RHBDL3: variants seen among roughly 807,000 people sequenced by gnomAD.
RHBDL3 encodes the protein rhomboid-related protein 3.
Under a neutral mutation model 48.2 loss-of-function variants are expected in RHBDL3, and 28 were observed. The observed-to-expected ratio is 0.58, with a 90% CI of 0.43 to 0.80. The LOEUF is 0.80. Ranked by LOEUF, RHBDL3 falls within the 30% of genes least tolerant of loss-of-function variation. RHBDL3 has a pLI of 0.00. For synonymous variants in RHBDL3, 208 were observed against 232.3 expected (o/e 0.90, Z 0.95); for missense variants, 464 against 542.7 (o/e 0.85, Z 1.44).
intron 2 of RHBDL3, 42 bp from the exon 3 acceptor site, chr17:32,284,617 G>T (rs1210643966): frequency 6.2e-7 from 1 of 1,601,080 alleles, no homozygotes. Context: ...TGAAGAGGAG[G>T]TGGTGCCCTG....
intron 7 of RHBDL3, among the ~76,000 whole-genome samples, chr17:32,306,784 G>A (rs898430133): frequency 2.0e-5 from 3 of 152,242 alleles, no homozygotes; most frequent in East Asian, 1.9e-4. Flanking sequence ...AGCTGGGCAC[G>A]GTGGTGCATG....
chr17:32,296,632 C>G (rs149254344), intron 5 of RHBDL3, among the ~76,000 whole-genome samples: 5,070 of 151,932 alleles, frequency 0.033, 119 homozygotes, highest in Non-Finnish European at 0.048. Flanking sequence ...CCGCACCTGG[C>G]CTAGATCTCT....
Position 32,283,219 on chromosome 17 carries a change from A to G in RHBDL3, c.136-1440A>G, listed in dbSNP as rs192447442. Among the ~76,000 whole-genome samples the G allele has an allele frequency of 1.5e-4, 23 of 152,104 alleles. 1 individual carries two copies. Among genetic ancestry groups the G allele is most frequent in the Admixed American group, 1.0e-3 (16 of 15,278 alleles). Reference sequence around the variant, plus strand: ...TGGCGTCCAGGAGATGCTTGGTGTTAAAAGTGTTGCTGTGGGCATTGGGTG... The same window carrying G: ...TGGCGTCCAGGAGATGCTTGGTGTTGAAAGTGTTGCTGTGGGCATTGGGTG... On this transcript the variant is annotated intron_variant, in intron 2 of 8. Transcript: ENST00000269051.
chr17:32,266,570 C>G (rs1597599558), intron 1 of RHBDL3, among the ~76,000 whole-genome samples: 1 of 152,180 alleles, frequency 6.6e-6, no homozygotes, highest in South Asian at 2.1e-4. Context: ...GAGCCCCCTC[C>G]CCGCCGCTGG....
At chr17:32,283,440 C>T (rs1433075783) in intron 2 of RHBDL3, among the ~76,000 whole-genome samples, 1 of 151,002 alleles carries the variant, frequency 6.6e-6, no homozygotes, top group African/African-American at 2.4e-5. Flanking sequence ...TCTCCTGCCT[C>T]AGCCTCCCGA....
chr17:32,311,887 T>C (rs2040854795), intron 7 of RHBDL3, among the ~76,000 whole-genome samples: 1 of 152,206 alleles, frequency 6.6e-6, no homozygotes, highest in African/African-American at 2.4e-5. Flanking sequence ...GGTGGGGAAC[T>C]GAGATAAGGG....
intron 3 of RHBDL3, among the ~76,000 whole-genome samples, chr17:32,285,744 C>T (rs1423065806): frequency 6.6e-6 from 1 of 152,216 alleles, no homozygotes. Context: ...CACCTCTCTT[C>T]ATGTCACCCA....
intron 4 of RHBDL3, among the ~76,000 whole-genome samples, chr17:32,291,771 CTTT>C (rs36113178): frequency 1.1e-4 from 14 of 131,234 alleles, no homozygotes; most frequent in African/African-American, 1.4e-4. Context: ...TGAGATATTC[CTTT>C]TTTTTTTTTT....
At chr17:32,303,963 C>T (rs149527118) in intron 6 of RHBDL3, among the ~76,000 whole-genome samples, 156 of 152,304 alleles carry the variant, frequency 1.0e-3, no homozygotes, top group Non-Finnish European at 1.7e-3. Flanking sequence ...GTGGTAATTT[C>T]TGCACACTCA....
intron 8 of RHBDL3, among the ~76,000 whole-genome samples, chr17:32,316,664 G>T (rs2040982508): frequency 6.6e-6 from 1 of 151,738 alleles, no homozygotes; most frequent in African/African-American, 2.4e-5. Context: ...GACTACACAT[G>T]TGTGGGTCCA....
rs558895002 is a variant in RHBDL3, at chr17:32,266,481, A to G, written c.111+181A>G. Among the ~76,000 whole-genome samples the G allele has an allele frequency of 2.0e-3, 309 of 151,956 alleles. 1 individual carries two copies. Among genetic ancestry groups the G allele is most frequent in the Admixed American group, 3.5e-3 (53 of 15,288 alleles). ...ACCGGTCTCCCCGAAACGCGCGCGC[A>G]CCGCTTCCCCCGCTCTGGTTCCCGC... is the stretch of plus-strand genomic sequence containing the variant. On this transcript the variant is annotated intron_variant, in intron 1 of 8. Coordinates refer to ENST00000269051, the MANE Select transcript of RHBDL3 (RefSeq NM_138328.3).
intron 6 of RHBDL3, among the ~76,000 whole-genome samples, chr17:32,300,208 G>A (rs2150733586): frequency 6.6e-6 from 1 of 152,272 alleles, no homozygotes; most frequent in Admixed American, 6.5e-5. Flanking sequence ...AGTATGACGA[G>A]AACCAAAAGG....
chr17:32,283,407 C>T (rs571752014), intron 2 of RHBDL3, among the ~76,000 whole-genome samples: 95 of 150,130 alleles, frequency 6.3e-4, no homozygotes, highest in Admixed American at 1.7e-3. Flanking sequence ...CTGCAAGCTC[C>T]GCCTCCCAGG....
rs574664170 is a variant in RHBDL3 at position 32,274,828 on chromosome 17, A to ATG, written c.135+6911_135+6912dup. 2.3e-4 allele frequency among the ~76,000 whole-genome samples: 35 copies of ATG among 151,954 alleles called. No individual in the cohort carries two copies. In the East Asian group the frequency reaches 6.2e-3, roughly 27 times the overall value. On this transcript the variant is annotated intron_variant, in intron 2 of 8. Coordinates refer to ENST00000269051, the MANE Select transcript of RHBDL3 (RefSeq NM_138328.3). Reference sequence around the variant, plus strand: ...CACGTGTGTTTGTGCATGAGTGTGCATGTGTGTGTATGCATGCATGTGTGT... The same window carrying ATG: ...CACGTGTGTTTGTGCATGAGTGTGCATGTGTGTGTGTATGCATGCATGTGTGT...
intron 8 of RHBDL3, among the ~76,000 whole-genome samples, chr17:32,316,997 A>AAGTAGCT (rs1449960520): frequency 6.6e-6 from 1 of 151,422 alleles, no homozygotes; most frequent in Non-Finnish European, 1.5e-5. Context: ...TCAGCCCCCC[A>AAGTAGCT]AGTAGCTAGG....
At chr17:32,287,699 C>T (rs529350615) in intron 3 of RHBDL3, among the ~76,000 whole-genome samples, 46 of 152,278 alleles carry the variant, frequency 3.0e-4, no homozygotes, top group African/African-American at 1.1e-3. Flanking sequence ...CTCCTGCCTT[C>T]GGGTTTAGCC....
intron 2 of RHBDL3, among the ~76,000 whole-genome samples, chr17:32,282,344 A>C (rs2040071996): frequency 2.0e-5 from 3 of 152,108 alleles, no homozygotes; most frequent in Admixed American, 2.0e-4. Context: ...AGGCAGGAGG[A>C]TCACTTAAGC....
intron 5 of RHBDL3, 59 bp from the exon 6 acceptor site, chr17:32,298,033 T>C (rs2040493894): frequency 4.1e-6 from 5 of 1,207,016 alleles, no homozygotes; most frequent in Non-Finnish European, 6.1e-6. Flanking sequence ...GTTTGTTGAA[T>C]GAATGAATGA....
chr17:32,278,960 C>T (rs1340248503), intron 2 of RHBDL3, among the ~76,000 whole-genome samples: 1 of 151,698 alleles, frequency 6.6e-6, no homozygotes, highest in African/African-American at 2.4e-5. Context: ...GACCCTGTCT[C>T]TACAAAAAAA....
Sources: gnomAD v4.1 joint callset for allele counts (sites outside exome capture counted in the v4.1 genomes callset) on GRCh38, gnomAD v4.1.1 for gene constraint, MANE v1.5 for transcripts, NCBI Gene and HGNC (gene_info 2026-07-23, HGNC 2026-07-21) for gene names.